CEP162: variants seen among roughly 807,000 people sequenced by gnomAD.
CEP162 encodes centrosomal protein 162.
In CEP162, 141 loss-of-function variants were observed where a neutral mutation model predicts 169.2. That is an observed-to-expected ratio of 0.83 (90% CI 0.73 to 0.96). CEP162 has a LOEUF of 0.96. CEP162 is among the 40% of genes least tolerant of loss of function. CEP162 has a pLI of 0.00. For missense variants in CEP162, 1,600 were observed against 1,587.2 expected, an observed-to-expected ratio of 1.01 and a Z score of -0.14; for synonymous variants, 540 against 526.4, an observed-to-expected ratio of 1.03 and a Z score of -0.35.
Position 84,174,902 on chromosome 6 carries a change from T to C in CEP162, c.1850A>G (p.Lys617Arg). ...TTTATCCTCTGCTTCCTGAACTCTTTTAAACATAAGTAATTTCTTCTCCTT... is the reference window on the plus strand; with the variant it reads ...TTTATCCTCTGCTTCCTGAACTCTTCTAAACATAAGTAATTTCTTCTCCTT... ...ENKEKKLLMF[K>R]RVQEAEDKWR... The change falls in exon 15 of 27, where the codon AAA becomes AGA. Residue 617 changes from lysine (K) to arginine (R), a missense_variant. Coordinates refer to ENST00000403245, the MANE Select transcript of CEP162 (RefSeq NM_014895.4). The C allele has an allele frequency of 6.3e-7, 1 of 1,574,826 alleles. No individual in the cohort carries two copies.
rs775362632 is a variant in CEP162 at position 84,146,667 on chromosome 6, A to G, written c.3870+20T>C. On this transcript the variant is annotated intron_variant, in intron 25 of 26. Transcript: ENST00000403245. ...CCTAAGAAAAACTTATTTTAGCCCA[A>G]TATTTTGGCCATTTCTTACCTCTTT... 2 of 1,206,686 alleles carry G rather than the reference A, an allele frequency of 1.7e-6. No homozygotes were observed. Among genetic ancestry groups the G allele is most frequent in the South Asian group, 1.4e-5 (1 of 69,804 alleles). The allele number at this position is 1,206,686 out of a possible 1,614,324, so 74.7% of individuals were successfully genotyped here.
At chr6:84,173,169 G>C (rs1325846136) in intron 16 of CEP162, among the ~76,000 whole-genome samples, 1 of 152,124 alleles carries the variant, frequency 6.6e-6, no homozygotes, top group Admixed American at 6.5e-5. Flanking sequence ...TTAAGAAACT[G>C]GCTATTAAAA....
chr6:84,219,350 T>A, intron 3 of CEP162: 1 of 371,854 alleles, frequency 2.7e-6, no homozygotes, highest in Non-Finnish European at 5.4e-6. Context: ...CCTTCTTTAC[T>A]TCTTTTACTA....
intron 21 of CEP162, among the ~76,000 whole-genome samples, chr6:84,159,768 G>C (rs1291811306): frequency 6.6e-6 from 1 of 150,716 alleles, no homozygotes; most frequent in Non-Finnish European, 1.5e-5. Flanking sequence ...TTTTAGCAGA[G>C]AGAGGGTTTC....
In CEP162 at chr6:84,207,476, G is replaced by A. The variant is rs186227455; in HGVS notation, c.572-3380C>T. On this transcript the variant is annotated intron_variant, in intron 6 of 26. Coordinates refer to ENST00000403245, the MANE Select transcript of CEP162 (RefSeq NM_014895.4). ...GCAAACTGTCGCAAGGACAGAAAAC[G>A]AAACACCGCATGTTCTCACTTATAG... Among the ~76,000 whole-genome samples the A allele has an allele frequency of 2.4e-3, 356 of 148,974 alleles. 1 individual carries two copies. Among genetic ancestry groups the A allele is most frequent in the African/African-American group, 8.5e-3 (347 of 40,670 alleles).
intron 25 of CEP162, among the ~76,000 whole-genome samples, chr6:84,132,182 T>C (rs907384827): frequency 1.3e-5 from 2 of 152,252 alleles, no homozygotes; most frequent in Admixed American, 1.3e-4. Flanking sequence ...CACTCTCTTC[T>C]GGCTTGTAGA....
intron 6 of CEP162, among the ~76,000 whole-genome samples, chr6:84,208,019 ATTTTTT>A (rs375738078): frequency 1.3e-4 from 17 of 132,902 alleles, no homozygotes; most frequent in African/African-American, 2.8e-4. Flanking sequence ...AGGTTGATTG[ATTTTTT>A]TTTTTTTTTT....
At chr6:84,132,938 G>C (rs1364033184) in intron 25 of CEP162, among the ~76,000 whole-genome samples, 4 of 152,062 alleles carry the variant, frequency 2.6e-5, no homozygotes, top group African/African-American at 9.7e-5. Flanking sequence ...GAGGCACTCT[G>C]ATTTTTGGAA....
intron 13 of CEP162, among the ~76,000 whole-genome samples, chr6:84,182,681 G>T (rs1288635074): frequency 1.3e-5 from 2 of 152,102 alleles, no homozygotes; most frequent in African/African-American, 4.8e-5. Flanking sequence ...GGGTCCGGAG[G>T]CAGAGTAGCC....
At chr6:84,135,288 T>C (rs1423326755) in intron 25 of CEP162, among the ~76,000 whole-genome samples, 2 of 152,220 alleles carry the variant, frequency 1.3e-5, no homozygotes, top group African/African-American at 4.8e-5. Flanking sequence ...AAAACTGTTA[T>C]CTTTTTATTA....
chr6:84,219,539 A>G (rs1375415030), intron 3 of CEP162, among the ~76,000 whole-genome samples: 3 of 152,156 alleles, frequency 2.0e-5, no homozygotes, highest in African/African-American at 7.2e-5. Context: ...AACAATTCCA[A>G]CAGTACTTCA....
At chr6:84,216,550 C>T (rs1018100145) in intron 3 of CEP162, among the ~76,000 whole-genome samples, 1 of 152,042 alleles carries the variant, frequency 6.6e-6, no homozygotes, top group African/African-American at 2.4e-5. Flanking sequence ...TAGTCTCTCA[C>T]AGCATTCAGG....
chr6:84,125,046 G>A lies in CEP162; in HGVS notation c.*24C>T, dbSNP rs745857656. On this transcript the variant is annotated 3_prime_UTR_variant, in exon 27 of 27. Coordinates refer to ENST00000403245, the MANE Select transcript of CEP162 (RefSeq NM_014895.4). Reference sequence around the variant, plus strand: ...ATCCATCTTCAGGCCTTTTAATAAGGTCATTATGAAATCTGAATTTCTATT... The same window carrying A: ...ATCCATCTTCAGGCCTTTTAATAAGATCATTATGAAATCTGAATTTCTATT... The A allele has an allele frequency of 1.3e-6, 2 of 1,569,044 alleles. No homozygotes were observed. The highest frequency in any genetic ancestry group is 2.2e-5 in the East Asian group (1 of 44,484).
chr6:84,202,684 A>G (rs2099545109), intron 7 of CEP162, among the ~76,000 whole-genome samples: 1 of 151,404 alleles, frequency 6.6e-6, no homozygotes, highest in Non-Finnish European at 1.5e-5. Flanking sequence ...TGTGCCAACC[A>G]TGCCCGGCTA....
intron 11 of CEP162, among the ~76,000 whole-genome samples, chr6:84,189,010 G>T (rs560728203): frequency 6.6e-6 from 1 of 151,420 alleles, no homozygotes; most frequent in East Asian, 1.9e-4. Flanking sequence ...TCAAATGCTT[G>T]TTGGCTGCAC....
At position 84,173,987 on chromosome 6, in the gene CEP162, C is replaced by A. The variant is rs1414137208; in HGVS notation, c.2166+61G>T. On this transcript the variant is annotated intron_variant, in intron 16 of 26. Coordinates refer to ENST00000403245, the MANE Select transcript of CEP162 (RefSeq NM_014895.4). Reference sequence around the variant, plus strand: ...GGCATAAGCCACTGTGCCTGGCCTGCCTTATTTTTATAACTAAAAGATCAA... The same window carrying A: ...GGCATAAGCCACTGTGCCTGGCCTGACTTATTTTTATAACTAAAAGATCAA... 11 of 1,457,384 alleles carry A rather than the reference C, an allele frequency of 7.5e-6. No homozygotes were observed. The Admixed American group carries it at 1.5e-4, about 19-fold the overall frequency. The allele number at this position is 1,457,384 out of a possible 1,614,324, so 90.3% of individuals were successfully genotyped here. A position where few individuals can be genotyped will look rare whatever the true frequency, so the allele number is the denominator to read the frequency against.
chr6:84,191,195 G>A (rs1054540692), intron 11 of CEP162, among the ~76,000 whole-genome samples: 1 of 152,014 alleles, frequency 6.6e-6, no homozygotes, highest in Non-Finnish European at 1.5e-5. Flanking sequence ...TCAGTGACTG[G>A]GAACCTTAAA....
intron 11 of CEP162, among the ~76,000 whole-genome samples, chr6:84,187,718 C>T (rs908654114): frequency 3.3e-5 from 5 of 152,176 alleles, no homozygotes; most frequent in African/African-American, 1.2e-4. Context: ...CTATGTTTTA[C>T]AGTGGCAAAA....
In CEP162 at chr6:84,187,289, C is replaced by T. The variant is rs117819418; in HGVS notation, c.1110-666G>A. 2.1e-4 allele frequency among the ~76,000 whole-genome samples: 32 copies of T among 152,228 alleles called. No individual in the cohort carries two copies. In the East Asian group the frequency reaches 3.3e-3, roughly 16 times the overall value. On this transcript the variant is annotated intron_variant, in intron 11 of 26. Transcript: ENST00000403245. ...GTTAAATATTGGCAAACTACAGGGT[C>T]TCCAAAAATATGGGAACTGTTAGTC...
Sources: gnomAD v4.1 joint callset for allele counts (sites outside exome capture counted in the v4.1 genomes callset) on GRCh38, gnomAD v4.1.1 for gene constraint, MANE v1.5 for transcripts, NCBI Gene and HGNC (gene_info 2026-07-23, HGNC 2026-07-21) for gene names.